SMOC2: variants seen among roughly 807,000 people sequenced by gnomAD.
SMOC2 encodes SPARC-related modular calcium-binding protein 2.
SMOC2 carries 39 observed loss-of-function variants against 61.4 expected under a neutral mutation model. The observed-to-expected ratio is 0.64, with a 90% confidence interval of 0.49 to 0.83. SMOC2 has a LOEUF of 0.83. Ranked by LOEUF, SMOC2 falls within the 40% of genes least tolerant of loss-of-function variation. The pLI, the probability that SMOC2 is intolerant of heterozygous loss-of-function variation, is 0.00. For synonymous variants in SMOC2, 247 were observed against 239.9 expected, an observed-to-expected ratio of 1.03 and a Z score of -0.27; for missense variants, 556 against 592.9, an observed-to-expected ratio of 0.94 and a Z score of 0.65.
chr6:168,454,635 G>A (rs1045071231), intron 1 of SMOC2, among the ~76,000 whole-genome samples: 1 of 152,028 alleles, frequency 6.6e-6, no homozygotes, highest in Non-Finnish European at 1.5e-5. Context: ...ATTGTTCTTG[G>A]GATTTTCTAA....
At chr6:168,638,829 C>G (rs1786815970) in intron 9 of SMOC2, among the ~76,000 whole-genome samples, 1 of 152,068 alleles carries the variant, frequency 6.6e-6, no homozygotes, top group Non-Finnish European at 1.5e-5. Context: ...GAGATTCAAG[C>G]CAGGAAAAGA....
intron 1 of SMOC2, among the ~76,000 whole-genome samples, chr6:168,490,078 T>C (rs553375407): frequency 5.3e-5 from 8 of 151,194 alleles, no homozygotes; most frequent in Non-Finnish European, 1.0e-4. Flanking sequence ...TGTTTTAGAA[T>C]GAAATATATC....
At chr6:168,484,333 A>G (rs780495757) in intron 1 of SMOC2, among the ~76,000 whole-genome samples, 1 of 152,176 alleles carries the variant, frequency 6.6e-6, no homozygotes, top group Non-Finnish European at 1.5e-5. Context: ...AAGGACATGA[A>G]AACATGCTCA....
Position 168,664,382 on chromosome 6 carries a change from ATCTTTT to A in SMOC2, c.1323+273_1323+278del, listed in dbSNP as rs771273649. 4.2e-3 allele frequency: 1,284 copies of A among 302,254 alleles called. 19 individuals are homozygous for A. The highest frequency in any genetic ancestry group is 0.04 in the African/African-American group (915 of 23,102). The allele number at this position is 302,254 out of a possible 1,614,324, so 18.7% of individuals were successfully genotyped here. A position where few individuals can be genotyped will look rare whatever the true frequency, so the allele number is the denominator to read the frequency against. On this transcript the variant is annotated intron_variant, in intron 12 of 12. Coordinates refer to ENST00000356284, the MANE Select transcript of SMOC2 (RefSeq NM_001166412.2). ...ATTTCTGAGTTTCCTTGTTTGGTAG[ATCTTTT>A]TTTTTTTTTTTTTTTTTTTTTTTTT...
intron 1 of SMOC2, among the ~76,000 whole-genome samples, chr6:168,500,808 C>T (rs775316206): frequency 3.9e-5 from 6 of 152,196 alleles, no homozygotes; most frequent in South Asian, 2.1e-4. Context: ...CCGCCGAGGA[C>T]GCACACGAGT....
chr6:168,596,211 A>G (rs1302192007), intron 7 of SMOC2, among the ~76,000 whole-genome samples: 1 of 99,592 alleles, frequency 1.0e-5, no homozygotes, highest in African/African-American at 4.1e-5. Flanking sequence ...AGAGGCATGA[A>G]CAAGCGCCAC....
At chr6:168,595,328 A>G (rs1356805410) in intron 7 of SMOC2, among the ~76,000 whole-genome samples, 5 of 152,134 alleles carry the variant, frequency 3.3e-5, no homozygotes, top group Admixed American at 3.3e-4. Context: ...CCTCCCCAAG[A>G]CGGAAATCTC....
intron 9 of SMOC2, among the ~76,000 whole-genome samples, chr6:168,632,826 C>A (rs531174882): frequency 6.6e-5 from 10 of 152,328 alleles, no homozygotes; most frequent in Non-Finnish European, 7.3e-5. Flanking sequence ...ATCAGCCCAT[C>A]CTTTTGATGC....
At position 168,660,544 on chromosome 6, in the gene SMOC2, G is replaced by A. The variant is rs184829282; in HGVS notation, c.1286-3530G>A. Among the ~76,000 whole-genome samples the A allele has an allele frequency of 9.3e-4, 141 of 152,356 alleles. 1 individual carries two copies. Among genetic ancestry groups the A allele is most frequent in the African/African-American group, 3.2e-3 (133 of 41,584 alleles). ...TTCATGCAAGTGACTACAGAATCGC[G>A]ATGGCTTAGGACCCAAGCGTTTCCT... On this transcript the variant is annotated intron_variant, in intron 11 of 12. Coordinates refer to ENST00000356284, the MANE Select transcript of SMOC2 (RefSeq NM_001166412.2).
chr6:168,566,479 CTTTTTT>C (rs10553952), intron 7 of SMOC2, among the ~76,000 whole-genome samples: 9 of 118,268 alleles, frequency 7.6e-5, no homozygotes, highest in African/African-American at 2.5e-4. Flanking sequence ...TGTAGCACTT[CTTTTTT>C]TTTTTTTTTT....
At chr6:168,558,747 ATGTG>A (rs1306971734) in intron 7 of SMOC2, among the ~76,000 whole-genome samples, 3 of 151,980 alleles carry the variant, frequency 2.0e-5, no homozygotes, top group East Asian at 1.9e-4. Context: ...TCTTCCCTGA[ATGTG>A]TGTGTGTTTG....
intron 9 of SMOC2, among the ~76,000 whole-genome samples, chr6:168,622,697 T>C (rs1028042859): frequency 2.0e-5 from 3 of 152,102 alleles, no homozygotes; most frequent in Non-Finnish European, 2.9e-5. Flanking sequence ...TTCCAAGCCC[T>C]TTCCACCCTG....
chr6:168,579,277 T>G (rs1784873928), intron 7 of SMOC2, among the ~76,000 whole-genome samples: 1 of 152,238 alleles, frequency 6.6e-6, no homozygotes, highest in Admixed American at 6.5e-5. Context: ...CACTATTTTT[T>G]CTTTTATCCA....
In SMOC2 at chr6:168,629,208, T is replaced by C. The variant is rs559384780; in HGVS notation, c.907+20969T>C. Among the ~76,000 whole-genome samples the C allele has an allele frequency of 1.6e-4, 24 of 152,370 alleles. 1 individual carries two copies. In the South Asian group the frequency reaches 4.8e-3, roughly 30 times the overall value. ...GGTTCTCCAGAAGGAGCCACCACAC[T>C]GTTGTTCCCTCACTCAAGCTGCAAG... On this transcript the variant is annotated intron_variant, in intron 9 of 12. Transcript: ENST00000356284.
At chr6:168,537,603 G>T (rs540591826) in intron 4 of SMOC2, among the ~76,000 whole-genome samples, 1 of 152,228 alleles carries the variant, frequency 6.6e-6, no homozygotes, top group Non-Finnish European at 1.5e-5. Context: ...TCTGTTCTTC[G>T]CTAGGACTCA....
At chr6:168,446,177 A>G (rs139737119) in intron 1 of SMOC2, among the ~76,000 whole-genome samples, 5 of 152,362 alleles carry the variant, frequency 3.3e-5, no homozygotes, top group South Asian at 2.1e-4. Flanking sequence ...AGCCTGACCA[A>G]CATGGTGAAA....
In SMOC2 at chr6:168,475,273, G is replaced by A. The variant is rs1044635142; in HGVS notation, c.84+33819G>A. ...GTGGAAGGCAGCTTGGATAGTCCTG[G>A]CATGTTTGATGGATGTCACATTTCA... On this transcript the variant is annotated intron_variant, in intron 1 of 12. Coordinates refer to ENST00000356284, the MANE Select transcript of SMOC2 (RefSeq NM_001166412.2). The surrounding 1 kb of genome is among the most constrained non-coding windows in gnomAD (Gnocchi z 4.6). Among the ~76,000 whole-genome samples, 2 of 152,028 alleles carry A rather than the reference G, an allele frequency of 1.3e-5. No homozygotes were observed. Among genetic ancestry groups the A allele is most frequent in the Admixed American group, 1.3e-4 (2 of 15,278 alleles).
chr6:168,560,616 C>T (rs867413911), intron 7 of SMOC2, among the ~76,000 whole-genome samples: 43 of 4,260 alleles, frequency 0.01, 5 homozygotes, highest in African/African-American at 0.059. Context: ...ACACGAGGCT[C>T]TCACTGCATT....
At chr6:168,514,664 C>A (rs144352615) in intron 2 of SMOC2, among the ~76,000 whole-genome samples, 1 of 152,122 alleles carries the variant, frequency 6.6e-6, no homozygotes, top group Non-Finnish European at 1.5e-5. Context: ...TACAAGTGAT[C>A]GCCTATGAAG....
Sources: allele counts gnomAD v4.1 joint callset (sites outside exome capture counted in the v4.1 genomes callset), GRCh38; gene constraint gnomAD v4.1.1; non-coding constraint Gnocchi (gnomAD v3.1); transcripts MANE v1.5; gene names NCBI Gene and HGNC (gene_info 2026-07-23, HGNC 2026-07-21).